The following SPATA13 variants were observed in gnomAD, a reference collection of about 807,000 sequenced individuals.
The protein encoded by SPATA13 is spermatogenesis associated 13.
Under a neutral mutation model 104.0 loss-of-function variants are expected in SPATA13, and 50 were observed. The observed-to-expected ratio is 0.48, with a 90% CI of 0.38 to 0.61. SPATA13 has a LOEUF of 0.61. SPATA13 is among the 20% of genes least tolerant of loss of function. SPATA13 has a pLI of 0.00. For missense variants in SPATA13, 1,524 were observed against 1,690.6 expected (o/e 0.90, Z 1.73); for synonymous variants, 606 against 667.5 (o/e 0.91, Z 1.42).
chr13:24,150,585 G>A (rs1442875791), intron 3 of SPATA13, among the ~76,000 whole-genome samples: 1 of 152,060 alleles, frequency 6.6e-6, no homozygotes, highest in Non-Finnish European at 1.5e-5. Context: ...ACAAATTTGA[G>A]GGCTGGCAAG....
intron 3 of SPATA13, among the ~76,000 whole-genome samples, chr13:24,058,539 A>G (rs2137751249): frequency 6.6e-6 from 1 of 152,008 alleles, no homozygotes; most frequent in East Asian, 1.9e-4. Context: ...CACATTACTT[A>G]GAATAATTGA....
At chr13:24,058,055 C>G (rs1878630446) in intron 3 of SPATA13, among the ~76,000 whole-genome samples, 1 of 151,872 alleles carries the variant, frequency 6.6e-6, no homozygotes, top group Admixed American at 6.6e-5. Flanking sequence ...GCAAGATGAG[C>G]TCCCATCTGG....
At chr13:24,056,786 G>A (rs572787599) in intron 3 of SPATA13, among the ~76,000 whole-genome samples, 7 of 152,132 alleles carry the variant, frequency 4.6e-5, no homozygotes, top group South Asian at 2.1e-4. Flanking sequence ...GTTGCTGTGC[G>A]TGTCTGATAA....
In SPATA13 at chr13:24,249,545, C is replaced by A. The variant is rs751238178; in HGVS notation, c.1722C>A (p.Thr574=). Residue 574 remains threonine, a synonymous_variant, in exon 3 of 13, where the codon ACC becomes ACA. Coordinates refer to ENST00000382108, the MANE Select transcript of SPATA13 (RefSeq NM_001166271.3). ...QDEERTEAQR[T]PKRRWGSGRR... ...AGGAAAGGACAGAGGCACAGAGAAC[C>A]CCCAAGAGGAGATGGGGCTCTGGGA... 4 of 1,612,998 alleles carry A rather than the reference C, an allele frequency of 2.5e-6. No individual in the cohort carries two copies. In the Admixed American group the frequency reaches 6.7e-5, roughly 27 times the overall value.
At chr13:24,126,016 A>G (rs1007991989) in intron 3 of SPATA13, among the ~76,000 whole-genome samples, 1 of 152,168 alleles carries the variant, frequency 6.6e-6, no homozygotes, top group African/African-American at 2.4e-5. Flanking sequence ...GGAGGTACGA[A>G]TAGAGCAGGG....
chr13:24,061,322 G>T (rs1878764547), intron 3 of SPATA13, among the ~76,000 whole-genome samples: 1 of 152,090 alleles, frequency 6.6e-6, no homozygotes, highest in Admixed American at 6.5e-5. Flanking sequence ...ATTCTTCAAA[G>T]AGCTAAAAAC....
intron 3 of SPATA13, among the ~76,000 whole-genome samples, chr13:24,040,650 T>A (rs879333338): frequency 2.6e-5 from 4 of 152,098 alleles, no homozygotes; most frequent in Non-Finnish European, 5.9e-5. Context: ...TCAGTTTTAA[T>A]GAGGAGAAAT....
intron 3 of SPATA13, among the ~76,000 whole-genome samples, chr13:24,094,259 C>T (rs756026): frequency 0.4 from 60,991 of 152,090 alleles, 13,490 homozygotes; most frequent in Middle Eastern, 0.52. Flanking sequence ...GCGAGAACAT[C>T]GTGGCCTCAC....
intron 3 of SPATA13, among the ~76,000 whole-genome samples, chr13:24,131,163 A>G (rs923562272): frequency 2.0e-5 from 3 of 152,230 alleles, no homozygotes; most frequent in Non-Finnish European, 2.9e-5. Context: ...ATTTAAGTCC[A>G]CTTATTAGGT....
intron 3 of SPATA13, among the ~76,000 whole-genome samples, chr13:24,101,224 A>G (rs1211143125): frequency 6.6e-6 from 1 of 152,148 alleles, no homozygotes; most frequent in African/African-American, 2.4e-5. Flanking sequence ...TTCTCGCCAC[A>G]CACTCAAACA....
chr13:24,288,097 GGAAGTGCCCATGATTATTGAGCATT>G (rs1240811744), intron 7 of SPATA13, among the ~76,000 whole-genome samples: 3 of 152,154 alleles, frequency 2.0e-5, no homozygotes, highest in Non-Finnish European at 4.4e-5. Flanking sequence ...GGAAATAAGA[GGAAGTGCCCATGATTATTGAGCATT>G]GACTGTTTGT....
Position 24,223,330 on chromosome 13 carries a change from G to A in SPATA13, c.401G>A (p.Cys134Tyr). 6.4e-7 allele frequency: 1 copy of A among 1,551,458 alleles called. No homozygotes were observed. The highest frequency in any genetic ancestry group is 1.2e-5 in the South Asian group (1 of 84,068). The change falls in exon 2 of 13, where the codon TGT becomes TAT. Residue 134 changes from cysteine to tyrosine, a missense_variant. This residue lies in a region of SPATA13 where 1,089 missense variants were observed against 1,135.9 expected (regional missense o/e 0.96). Transcript: ENST00000382108. ...CAGAGCCGAGAGGGGTCAAATGCCT[G>A]TTCAAAGGGAGAGGCTTCGGAGCAT... ...GIQSREGSNA[C>Y]SKGEASEHGL...
chr13:24,063,355 C>T (rs964849563), intron 3 of SPATA13, among the ~76,000 whole-genome samples: 4 of 152,156 alleles, frequency 2.6e-5, no homozygotes, highest in Admixed American at 6.5e-5. Flanking sequence ...GAAATTTGTA[C>T]ACATTGTGGG....
chr13:24,273,445 A>G (rs1874761194), intron 4 of SPATA13, among the ~76,000 whole-genome samples: 1 of 152,226 alleles, frequency 6.6e-6, no homozygotes, highest in South Asian at 2.1e-4. Flanking sequence ...TGTTGTCCAC[A>G]TGTTTAAAAG....
intron 1 of SPATA13, among the ~76,000 whole-genome samples, chr13:24,166,959 G>T (rs1015775640): frequency 1.3e-5 from 2 of 152,212 alleles, no homozygotes; most frequent in Non-Finnish European, 2.9e-5. Context: ...CATTCAGACC[G>T]TAGCAGTTCC....
At chr13:24,138,329 A>G (rs1881642442) in intron 3 of SPATA13, among the ~76,000 whole-genome samples, 1 of 146,722 alleles carries the variant, frequency 6.8e-6, no homozygotes, top group African/African-American at 2.5e-5. Flanking sequence ...AAACAGTTTT[A>G]CTGAATTAGT....
chr13:24,075,625 G>A (rs909761096), intron 3 of SPATA13, among the ~76,000 whole-genome samples: 6 of 152,192 alleles, frequency 3.9e-5, no homozygotes, highest in African/African-American at 1.4e-4. Flanking sequence ...GAAAAGTTAT[G>A]ACAACGTTGC....
intron 2 of SPATA13, among the ~76,000 whole-genome samples, chr13:23,986,793 A>G (rs911922981): frequency 9.2e-5 from 14 of 152,216 alleles, no homozygotes; most frequent in African/African-American, 3.4e-4. Flanking sequence ...ATTTGGCCAC[A>G]GGAATTTCAG....
intron 1 of SPATA13, among the ~76,000 whole-genome samples, chr13:24,201,861 C>G (rs989097205): frequency 2.6e-5 from 4 of 152,200 alleles, no homozygotes; most frequent in Non-Finnish European, 5.9e-5. Context: ...CTGTTCACTT[C>G]TCTTTCCCCA....
Sources: allele counts gnomAD v4.1 joint callset (sites outside exome capture counted in the v4.1 genomes callset), GRCh38; gene constraint gnomAD v4.1.1; regional missense constraint gnomAD v4.1.1; transcripts MANE v1.5; gene names NCBI Gene and HGNC (gene_info 2026-07-23, HGNC 2026-07-21).